POSTN: variants seen among roughly 807,000 people sequenced by gnomAD.
POSTN encodes periostin.
Under a neutral mutation model 104.5 loss-of-function variants are expected in POSTN, and 71 were observed. The ratio of observed to expected loss-of-function variants is 0.68; its 90% CI spans 0.56 to 0.83. The LOEUF (loss-of-function observed/expected upper bound fraction) is 0.83. POSTN is among the 40% of genes least tolerant of loss of function. The pLI is 0.00. For missense variants in POSTN, 949 were observed against 1,006.8 expected (o/e 0.94, Z 0.78); for synonymous variants, 355 against 340.7 (o/e 1.04, Z -0.46).
chr13:37,576,330 A>C (rs9576305), intron 16 of POSTN, among the ~76,000 whole-genome samples: 2 of 152,128 alleles, frequency 1.3e-5, no homozygotes, highest in Admixed American at 6.6e-5. Flanking sequence ...ATAACAGCAT[A>C]CCGTCTAAGG....
chr13:37,567,262 A>C (rs1950138668), intron 21 of POSTN, among the ~76,000 whole-genome samples: 1 of 147,862 alleles, frequency 6.8e-6, no homozygotes, highest in Admixed American at 6.8e-5. Context: ...AATGTACTAC[A>C]TGTACCACAA....
chr13:37,587,911 T>G lies in POSTN; in HGVS notation c.517A>C (p.Arg173=). 6.3e-7 allele frequency: 1 copy of G among 1,599,506 alleles called. No individual in the cohort carries two copies. Residue 173 remains arginine, a synonymous_variant, in exon 5 of 23, where the codon AGA becomes CGA. Coordinates refer to ENST00000379747, the MANE Select transcript of POSTN (RefSeq NM_006475.3). Reference sequence around the variant, plus strand: ...TTTTTTAAGTCCTTGGTCAACATTCTCTTATTAATCATGTGACTATGTAAA... The same window carrying G: ...TTTTTTAAGTCCTTGGTCAACATTCGCTTATTAATCATGTGACTATGTAAA... ...NALHSHMINK[R]MLTKDLKNGM...
rs138111611 is a variant in POSTN at position 37,580,265 on chromosome 13, A to G, written c.1530-274T>C. Among the ~76,000 whole-genome samples the G allele has an allele frequency of 7.9e-3, 1,207 of 152,338 alleles. 4 individuals are homozygous for G. The highest frequency in any genetic ancestry group is 0.024 in the South Asian group (115 of 4,830). On this transcript the variant is annotated intron_variant, in intron 11 of 22. Transcript: ENST00000379747. ...CAAAAAAGAAGCATTTTTATCATGT[A>G]ATACTCTACAAGATAGTCTTTGCTA...
At chr13:37,580,496 C>G in intron 11 of POSTN, 65 bp downstream of exon 11, 1 of 1,571,142 alleles carries the variant, frequency 6.4e-7, no homozygotes, top group Non-Finnish European at 8.7e-7. Flanking sequence ...TTTGGGATAC[C>G]GCCTATGAAA....
Position 37,576,290 on chromosome 13 carries a change from A to G in POSTN, c.2008+1463T>C, listed in dbSNP as rs1433941682. Among the ~76,000 whole-genome samples the G allele has an allele frequency of 4.6e-5, 7 of 152,132 alleles. No individual in the cohort carries two copies. The South Asian group carries it at 1.2e-3, about 27-fold the overall frequency. On this transcript the variant is annotated intron_variant, in intron 16 of 22. Transcript: ENST00000379747. ...AAAAATAGAAAATTTGGTTTAATTT[A>G]TCTTTACTTCTACTTTAAAATACTT...
intron 22 of POSTN, 53 bp downstream of exon 22, chr13:37,564,466 T>G (rs1950030803): frequency 1.1e-5 from 10 of 949,080 alleles, no homozygotes. Context: ...TTGATTTCTC[T>G]TCATGTAACA....
rs1323299964 is a variant in POSTN, at chr13:37,590,513, A to G, written c.300T>C (p.His100=). The G allele has an allele frequency of 4.3e-6, 7 of 1,611,926 alleles. No homozygotes were observed. The South Asian group carries it at 7.7e-5, about 18-fold the overall frequency. Residue 100 remains histidine, a synonymous_variant, in exon 4 of 23, where the codon CAT becomes CAC. Transcript: ENST00000379747. The part of the protein sequence containing the change: ...KGCPAVLPID[H]VYGTLGIVGA... ...CCACGATGCCCAGAGTGCCATAAAC[A>G]TGGTCAATGGGCAAAACTGAAATAA...
chr13:37,575,345 C>G (rs149329463), intron 16 of POSTN, among the ~76,000 whole-genome samples: 1 of 150,764 alleles, frequency 6.6e-6, no homozygotes, highest in East Asian at 2.0e-4. Context: ...AGATAATAGT[C>G]TTTGAACTAG....
chr13:37,586,400 G>A lies in POSTN; in HGVS notation c.754-120C>T, dbSNP rs551329525. On this transcript the variant is annotated intron_variant, in intron 6 of 22. Coordinates refer to ENST00000379747, the MANE Select transcript of POSTN (RefSeq NM_006475.3). ...TCCTACACTATAGAGGTTTGTTGTT[G>A]TTAAATCTTCAAAATATTACTTTTT... 63 of 1,060,856 alleles carry A rather than the reference G, an allele frequency of 5.9e-5. No individual in the cohort carries two copies. In the African/African-American group the frequency reaches 9.0e-4, roughly 15 times the overall value. The allele number at this position is 1,060,856 out of a possible 1,614,324, so 65.7% of individuals were successfully genotyped here.
chr13:37,584,635 TG>T, intron 8 of POSTN, 80 bp downstream of exon 8: 1 of 1,169,502 alleles, frequency 8.6e-7, no homozygotes, highest in Non-Finnish European at 1.2e-6. Context: ...TCATTTTTCA[TG>T]GACTTACTCT....
Position 37,590,516 on chromosome 13 carries a change from G to A in POSTN, c.297C>T (p.Asp99=). ...CGATGCCCAGAGTGCCATAAACATG[G>A]TCAATGGGCAAAACTGAAATAATCA... ...MKGCPAVLPI[D]HVYGTLGIVG... Residue 99 remains aspartate (D), a synonymous_variant, in exon 4 of 23, where the codon GAC becomes GAT. Transcript: ENST00000379747. 6.2e-7 allele frequency: 1 copy of A among 1,610,980 alleles called. No homozygotes were observed. Among genetic ancestry groups the A allele is most frequent in the Non-Finnish European group, 8.5e-7 (1 of 1,178,000 alleles).
chr13:37,577,424 C>A (rs1407372064), intron 16 of POSTN, among the ~76,000 whole-genome samples: 3 of 152,146 alleles, frequency 2.0e-5, no homozygotes, highest in Non-Finnish European at 4.4e-5. Flanking sequence ...GTCCACACAT[C>A]TGAATTTTTA....
chr13:37,582,930 C>T (rs1441492053), intron 9 of POSTN, among the ~76,000 whole-genome samples: 2 of 152,082 alleles, frequency 1.3e-5, no homozygotes, highest in African/African-American at 4.8e-5. Context: ...AAGCAAACAA[C>T]CTCTTAAATA....
At position 37,587,909 on chromosome 13, in the gene POSTN, T is replaced by G; in HGVS notation, c.519A>C (p.Arg173Ser). The G allele has an allele frequency of 1.3e-6, 2 of 1,599,314 alleles. No homozygotes were observed. The highest frequency in any genetic ancestry group is 1.7e-6 in the Non-Finnish European group (2 of 1,167,106). Residue 173 changes from arginine (R) to serine (S), a missense_variant, in exon 5 of 23, where the codon AGA (arginine) becomes AGC (serine). Physicochemically the swap from Arg to Ser is moderately radical, Grantham distance 110 (BLOSUM62 -1). Transcript: ENST00000379747. ...CATTTTTTAAGTCCTTGGTCAACAT[T>G]CTCTTATTAATCATGTGACTATGTA... is the stretch of plus-strand genomic sequence containing the variant. ...NALHSHMINKRMLTKDLKNGM... is the reference protein window; with the variant it reads ...NALHSHMINKSMLTKDLKNGM...
chr13:37,583,356 A>AT lies in POSTN; in HGVS notation c.1243+612dup, dbSNP rs531555788. ...GGTATCAAATAAAGAAATCAGTTTTATTTTTTTAGAGATCTGTCAATGCAT... is the reference window on the plus strand; with the variant it reads ...GGTATCAAATAAAGAAATCAGTTTTATTTTTTTTAGAGATCTGTCAATGCAT... On this transcript the variant is annotated intron_variant, in intron 9 of 22. Coordinates refer to ENST00000379747, the MANE Select transcript of POSTN (RefSeq NM_006475.3). Among the ~76,000 whole-genome samples, 6 of 150,594 alleles carry AT rather than the reference A, an allele frequency of 4.0e-5. No individual in the cohort carries two copies. In the South Asian group the frequency reaches 1.1e-3, roughly 26 times the overall value.
intron 20 of POSTN, 80 bp from the exon 21 acceptor site, chr13:37,569,463 C>T: frequency 2.7e-6 from 3 of 1,115,722 alleles, no homozygotes; most frequent in South Asian, 2.6e-5. Context: ...TAAATAATGG[C>T]ATCTGCCCAA....
chr13:37,563,812 C>T (rs2138118790), intron 22 of POSTN, among the ~76,000 whole-genome samples: 1 of 152,040 alleles, frequency 6.6e-6, no homozygotes, highest in African/African-American at 2.4e-5. Context: ...TTGCAATTTA[C>T]TCTAGCTTCC....
chr13:37,567,477 GT>G (rs1265321956), intron 21 of POSTN, among the ~76,000 whole-genome samples: 1 of 152,024 alleles, frequency 6.6e-6, no homozygotes, highest in Non-Finnish European at 1.5e-5. Context: ...TGACCTGATG[GT>G]TTTAGATAGC....
At chr13:37,589,811 A>G (rs1950874511) in intron 4 of POSTN, among the ~76,000 whole-genome samples, 1 of 152,174 alleles carries the variant, frequency 6.6e-6, no homozygotes, top group African/African-American at 2.4e-5. Context: ...TATCAGTTTT[A>G]TAGATTCGGA....
Sources: gnomAD v4.1 joint callset for allele counts (sites outside exome capture counted in the v4.1 genomes callset) on GRCh38, gnomAD v4.1.1 for gene constraint, MANE v1.5 for transcripts, NCBI Gene and HGNC (gene_info 2026-07-23, HGNC 2026-07-21) for gene names.